Variants in ZSCAN5A observed in about 807,000 individuals in gnomAD.
The protein encoded by ZSCAN5A is zinc finger and SCAN domain containing 5A.
A neutral mutation model predicts 23.7 loss-of-function variants in ZSCAN5A; 12 were observed. That is an observed-to-expected ratio of 0.51 (90% CI 0.32 to 0.82). ZSCAN5A has a LOEUF of 0.82. ZSCAN5A is among the 40% of genes least tolerant of loss of function. The pLI is 0.03. For synonymous variants in ZSCAN5A, 257 were observed against 239.9 expected (o/e 1.07, Z -0.66); for missense variants, 597 against 617.9 (o/e 0.97, Z 0.36).
Position 56,221,707 on chromosome 19 carries a change from C to T in ZSCAN5A, c.1359G>A (p.Gly453=), listed in dbSNP as rs1470525817. The T allele has an allele frequency of 1.9e-6, 3 of 1,614,020 alleles. No homozygotes were observed. The highest frequency in any genetic ancestry group is 2.2e-5 in the East Asian group (1 of 44,892). The part of the protein sequence containing the change: ...KDCKKVFTYR[G]SLKEHQRIHS... ...GGATGCGCTGGTGCTCCTTCAGGCTCCCCCTGTAGGTGAAAACTTTCTTGC... is the reference window on the plus strand; with the variant it reads ...GGATGCGCTGGTGCTCCTTCAGGCTTCCCCTGTAGGTGAAAACTTTCTTGC... The change falls in exon 6 of 6, where the codon GGG becomes GGA. Residue 453 remains glycine (G), a synonymous_variant. Coordinates refer to ENST00000683990, the MANE Select transcript of ZSCAN5A (RefSeq NM_001322064.3).
intron 2 of ZSCAN5A, among the ~76,000 whole-genome samples, chr19:56,302,581 CCCTTT>C (rs2040381803): frequency 2.2e-4 from 9 of 40,012 alleles, no homozygotes; most frequent in Non-Finnish European, 3.3e-4. Flanking sequence ...TTCTTCCTCC[CCCTTT>C]TCTTCCTCTC....
chr19:56,232,566 C>G (rs1161960726), intron 2 of ZSCAN5A, among the ~76,000 whole-genome samples: 1 of 152,190 alleles, frequency 6.6e-6, no homozygotes, highest in Non-Finnish European at 1.5e-5. Context: ...CTCCTCATCT[C>G]AACTACCAGT....
rs1186757558 is a variant in ZSCAN5A at position 56,228,211 on chromosome 19, C to T, written c.-127-3038G>A. ...CTTTCTGAAACCAACCCCCGACATG[C>T]CAGCTCCTAAACCCGACAGACATCC... On this transcript the variant is annotated intron_variant, in intron 2 of 5. Coordinates refer to ENST00000683990, the MANE Select transcript of ZSCAN5A (RefSeq NM_001322064.3). 19 of 985,098 alleles carry T rather than the reference C, an allele frequency of 1.9e-5. No homozygotes were observed. In the South Asian group the frequency reaches 4.7e-4, roughly 24 times the overall value. 61.0% of individuals were successfully genotyped at this position (985,098 alleles called of 1,614,324 possible). A position where few individuals can be genotyped will look rare whatever the true frequency, so the allele number is the denominator to read the frequency against.
intron 2 of ZSCAN5A, among the ~76,000 whole-genome samples, chr19:56,360,080 C>T (rs925286648): frequency 2.0e-5 from 3 of 152,142 alleles, no homozygotes; most frequent in Non-Finnish European, 2.9e-5. Flanking sequence ...CAAAGGAAAT[C>T]AGGCAAGACA....
intron 2 of ZSCAN5A, among the ~76,000 whole-genome samples, chr19:56,258,980 A>T (rs748265006): frequency 1.3e-5 from 2 of 152,108 alleles, no homozygotes; most frequent in Non-Finnish European, 2.9e-5. Context: ...GCATGAGAAG[A>T]GAGAGCTGGT....
At chr19:56,265,022 T>A (rs898131217) in intron 2 of ZSCAN5A, among the ~76,000 whole-genome samples, 12 of 152,080 alleles carry the variant, frequency 7.9e-5, no homozygotes. Flanking sequence ...CTCGGGAGGC[T>A]GAGGCAGGAG....
rs954132609 is a variant in ZSCAN5A at position 56,320,903 on chromosome 19, C to G, written c.-357-4635G>C. On this transcript the variant is annotated intron_variant, in intron 2 of 6. Coordinates refer to the ZSCAN5A transcript ENST00000587340. Reference sequence around the variant, plus strand: ...GAGTGTGGGGTTCCAATCTTTACCCCCTTGAAGGAAAAGCCCAGCTGTTCT... The same window carrying G: ...GAGTGTGGGGTTCCAATCTTTACCCGCTTGAAGGAAAAGCCCAGCTGTTCT... The G allele has an allele frequency of 3.3e-5, 25 of 761,620 alleles. No individual in the cohort carries two copies. In the Admixed American group the frequency reaches 4.0e-4, roughly 12 times the overall value. The allele number at this position is 761,620 out of a possible 1,614,324, so 47.2% of individuals were successfully genotyped here.
At chr19:56,302,325 CCCT>C (rs2040300659) in intron 2 of ZSCAN5A, among the ~76,000 whole-genome samples, 1 of 143,358 alleles carries the variant, frequency 7.0e-6, no homozygotes, top group African/African-American at 2.6e-5. Context: ...TCCCTCCCTC[CCCT>C]TCCTCCTTCC....
At chr19:56,340,994 C>T (rs1220069995) in intron 2 of ZSCAN5A, 1 of 152,180 alleles carries the variant, frequency 6.6e-6, no homozygotes, top group African/African-American at 2.4e-5. Context: ...AGGGAAATAT[C>T]TTGGATCCCT....
intron 2 of ZSCAN5A, among the ~76,000 whole-genome samples, chr19:56,261,559 G>A (rs1471434512): frequency 6.6e-6 from 1 of 152,150 alleles, no homozygotes; most frequent in Non-Finnish European, 1.5e-5. Flanking sequence ...ATAGCTGCCT[G>A]ACTTGAAAGT....
Position 56,223,733 on chromosome 19 carries a change from G to T in ZSCAN5A, c.486C>A (p.Ser162=), listed in dbSNP as rs781265590. 1 of 1,613,708 alleles carries T rather than the reference G, an allele frequency of 6.2e-7. No individual in the cohort carries two copies. The highest frequency in any genetic ancestry group is 8.5e-7 in the Non-Finnish European group (1 of 1,179,974). ...GGTTCACCGAGGAGGCCCGTTGGCTGGACACGTCTTTCAGATCATCTCTGA... is the reference window on the plus strand; with the variant it reads ...GGTTCACCGAGGAGGCCCGTTGGCTTGACACGTCTTTCAGATCATCTCTGA... ...SSVRDDLKDV[S]SQRASSVNQM... is the part of the protein sequence containing the mutation. The change falls in exon 4 of 6, where the codon TCC becomes TCA. Residue 162 remains serine (S), a synonymous_variant. Coordinates refer to ENST00000683990, the MANE Select transcript of ZSCAN5A (RefSeq NM_001322064.3).
chr19:56,336,045 T>C (rs1370071971), intron 2 of ZSCAN5A, among the ~76,000 whole-genome samples: 1 of 152,266 alleles, frequency 6.6e-6, no homozygotes, highest in East Asian at 1.9e-4. Context: ...CTTTGGTGAA[T>C]CTGACAATTA....
At chr19:56,302,435 C>T (rs545032919) in intron 2 of ZSCAN5A, among the ~76,000 whole-genome samples, 77 of 108,872 alleles carry the variant, frequency 7.1e-4, no homozygotes, top group East Asian at 5.2e-3. Flanking sequence ...TTTCTCCCTT[C>T]CTTCCTTTCT....
intron 2 of ZSCAN5A, chr19:56,363,100 C>G (rs1410768285): frequency 6.6e-6 from 1 of 152,156 alleles, no homozygotes; most frequent in African/African-American, 2.4e-5. Context: ...ATGCTCCTTG[C>G]TGTTTATATA....
At chr19:56,237,717 T>G (rs1224877821) in intron 2 of ZSCAN5A, among the ~76,000 whole-genome samples, 2 of 151,812 alleles carry the variant, frequency 1.3e-5, no homozygotes, top group African/African-American at 2.4e-5. Flanking sequence ...CTCAGGAGTT[T>G]GAGACCAGCC....
At position 56,250,519 on chromosome 19, in the gene ZSCAN5A, G is replaced by A. The variant is rs185433912; in HGVS notation, c.-127-25346C>T. Among the ~76,000 whole-genome samples the A allele has an allele frequency of 5.6e-3, 848 of 152,232 alleles. 10 individuals are homozygous for A. Among genetic ancestry groups the A allele is most frequent in the African/African-American group, 0.019 (794 of 41,528 alleles). ...GCTCCAGGTGAGGCACATGCTGCTC[G>A]TCAATAGACCCTCATTTCAGTGGTG... On this transcript the variant is annotated intron_variant, in intron 2 of 5. Coordinates refer to ENST00000683990, the MANE Select transcript of ZSCAN5A (RefSeq NM_001322064.3).
intron 2 of ZSCAN5A, among the ~76,000 whole-genome samples, chr19:56,356,377 T>G (rs571411395): frequency 6.7e-6 from 1 of 148,606 alleles, no homozygotes; most frequent in South Asian, 2.2e-4. Flanking sequence ...CTTACATCCT[T>G]GGGAATACAT....
intron 2 of ZSCAN5A, among the ~76,000 whole-genome samples, chr19:56,292,537 C>G (rs1489404113): frequency 6.6e-6 from 1 of 151,530 alleles, no homozygotes; most frequent in African/African-American, 2.4e-5. Context: ...ATCCTCCTAC[C>G]TCAGCCTCCC....
At chr19:56,230,615 A>ATATGTGTGTGTGTGTGTGTGTG (rs778155664) in intron 2 of ZSCAN5A, among the ~76,000 whole-genome samples, 3 of 147,688 alleles carry the variant, frequency 2.0e-5, no homozygotes, top group Admixed American at 1.4e-4. Context: ...TTATTTCTTG[A>ATATGTGTGTGTGTGTGTGTGTG]TGTGTGTGTG....
Sources: allele counts gnomAD v4.1 joint callset (sites outside exome capture counted in the v4.1 genomes callset), GRCh38; gene constraint gnomAD v4.1.1; transcripts MANE v1.5; gene names NCBI Gene and HGNC (gene_info 2026-07-23, HGNC 2026-07-21).